Variants in MAGI2 observed in about 807,000 individuals in gnomAD.
MAGI2 encodes the protein membrane associated guanylate kinase, WW and PDZ domain containing 2, also known as membrane-associated guanylate kinase, WW and PDZ domain-containing protein 2.
A neutral mutation model predicts 133.3 loss-of-function variants in MAGI2; 35 were observed. The observed-to-expected ratio is 0.26, with a 90% CI of 0.20 to 0.35. The LOEUF (loss-of-function observed/expected upper bound fraction) is 0.35, where lower values mean the gene tolerates loss of function less well. Among genes scored for constraint, MAGI2 ranks in the 10% least tolerant of loss-of-function variants. MAGI2 has a pLI of 1.00. For synonymous variants in MAGI2, 729 were observed against 710.6 expected (o/e 1.03, Z -0.41); for missense variants, 1,636 against 1,863.4 (o/e 0.88, Z 2.25).
At chr7:78,758,330 C>T (rs1226840479) in intron 2 of MAGI2, among the ~76,000 whole-genome samples, 1 of 152,042 alleles carries the variant, frequency 6.6e-6, no homozygotes, top group East Asian at 1.9e-4. Context: ...AGCAGGCATT[C>T]AATACGTACT....
Position 78,783,448 on chromosome 7 carries a change from G to A in MAGI2, c.419-156209C>T, listed in dbSNP as rs961842009. 2.0e-5 allele frequency among the ~76,000 whole-genome samples: 3 copies of A among 152,252 alleles called. No homozygotes were observed. The South Asian group carries it at 6.2e-4, about 32-fold the overall frequency. On this transcript the variant is annotated intron_variant, in intron 2 of 21. Coordinates refer to ENST00000354212, the MANE Select transcript of MAGI2 (RefSeq NM_012301.4). Reference sequence around the variant, plus strand: ...AATGTGTCAGTCTGAAGGTGTATGTGTGTTCGTATGATGAGAAAAAAGAAA... The same window carrying A: ...AATGTGTCAGTCTGAAGGTGTATGTATGTTCGTATGATGAGAAAAAAGAAA...
chr7:78,939,768 G>T (rs1368181030), intron 2 of MAGI2: 1 of 152,074 alleles, frequency 6.6e-6, no homozygotes, highest in Non-Finnish European at 1.5e-5. Context: ...CATGTTTCTT[G>T]CATCTAACAT....
At chr7:78,814,168 G>A (rs911283085) in intron 2 of MAGI2, among the ~76,000 whole-genome samples, 1 of 152,132 alleles carries the variant, frequency 6.6e-6, no homozygotes, top group African/African-American at 2.4e-5. Flanking sequence ...AGGATACGAG[G>A]CTGTGGTGGA....
chr7:78,231,877 G>T (rs143405774), intron 10 of MAGI2, among the ~76,000 whole-genome samples: 4 of 152,174 alleles, frequency 2.6e-5, no homozygotes, highest in Admixed American at 1.3e-4. Flanking sequence ...TAAGCCTGCA[G>T]TGTAGTTCTT....
At chr7:78,672,267 TC>T (rs1814479741) in intron 2 of MAGI2, among the ~76,000 whole-genome samples, 1 of 151,878 alleles carries the variant, frequency 6.6e-6, no homozygotes, top group Non-Finnish European at 1.5e-5. Context: ...GGCTGGGACC[TC>T]CCCCCTCTCT....
intron 1 of MAGI2, among the ~76,000 whole-genome samples, chr7:79,420,032 T>C (rs1482995212): frequency 6.6e-6 from 1 of 152,032 alleles, no homozygotes; most frequent in Non-Finnish European, 1.5e-5. Flanking sequence ...GATGTCTCAC[T>C]AGAACTAAAT....
intron 1 of MAGI2, among the ~76,000 whole-genome samples, chr7:79,268,976 G>T (rs1834677016): frequency 6.6e-6 from 1 of 152,116 alleles, no homozygotes. Flanking sequence ...GTTTCACATT[G>T]TTTTCAAAAT....
intron 6 of MAGI2, among the ~76,000 whole-genome samples, chr7:78,397,506 A>G (rs1454139924): frequency 1.3e-5 from 2 of 152,034 alleles, no homozygotes; most frequent in African/African-American, 2.4e-5. Flanking sequence ...GTTGAGTTGC[A>G]TATCTGGGTT....
At chr7:78,919,969 G>T (rs1799102591) in intron 2 of MAGI2, among the ~76,000 whole-genome samples, 1 of 152,026 alleles carries the variant, frequency 6.6e-6, no homozygotes, top group African/African-American at 2.4e-5. Context: ...ACTTAAGAGG[G>T]ATCATATTTA....
intron 1 of MAGI2, among the ~76,000 whole-genome samples, chr7:79,107,108 C>A (rs1340941677): frequency 1.3e-5 from 2 of 152,076 alleles, no homozygotes; most frequent in African/African-American, 4.8e-5. Flanking sequence ...TTACAGATCC[C>A]AAAATAAAGA....
chr7:79,261,085 G>T (rs1834054588), intron 1 of MAGI2, among the ~76,000 whole-genome samples: 1 of 152,204 alleles, frequency 6.6e-6, no homozygotes, highest in South Asian at 2.1e-4. Flanking sequence ...GCATTCAAGA[G>T]TGTTTACATG....
At chr7:79,211,085 T>C (rs111442524) in intron 1 of MAGI2, among the ~76,000 whole-genome samples, 3,949 of 152,206 alleles carry the variant, frequency 0.026, 86 homozygotes, top group East Asian at 0.04. Flanking sequence ...AGAATATTCA[T>C]TGGCTTATTC....
chr7:78,950,078 C>T (rs1431666016), intron 2 of MAGI2, among the ~76,000 whole-genome samples: 1 of 152,100 alleles, frequency 6.6e-6, no homozygotes, highest in African/African-American at 2.4e-5. Context: ...TGCATCTCCT[C>T]CCCTGCCTCC....
intron 4 of MAGI2, among the ~76,000 whole-genome samples, chr7:78,514,462 G>C (rs1418352570): frequency 6.6e-6 from 1 of 152,092 alleles, no homozygotes; most frequent in Non-Finnish European, 1.5e-5. Context: ...TCTAATTTTA[G>C]AAGGCTAATT....
At chr7:78,342,501 C>T (rs1790493382) in intron 9 of MAGI2, among the ~76,000 whole-genome samples, 13 of 152,158 alleles carry the variant, frequency 8.5e-5, no homozygotes, top group Admixed American at 8.5e-4. Flanking sequence ...TATAAAGACA[C>T]ATGCACACGT....
At chr7:78,833,418 AC>A (rs1410584192) in intron 2 of MAGI2, among the ~76,000 whole-genome samples, 1 of 151,126 alleles carries the variant, frequency 6.6e-6, no homozygotes, top group Non-Finnish European at 1.5e-5. Context: ...GAAGGCAGTG[AC>A]CCCCCTGGAC....
chr7:78,231,977 T>C (rs946314852), intron 10 of MAGI2, among the ~76,000 whole-genome samples: 1 of 151,946 alleles, frequency 6.6e-6, no homozygotes, highest in Non-Finnish European at 1.5e-5. Flanking sequence ...CCTGGGTAGT[T>C]ACAAACCCAC....
At chr7:78,155,475 A>G (rs1463581817) in intron 16 of MAGI2, among the ~76,000 whole-genome samples, 2 of 152,104 alleles carry the variant, frequency 1.3e-5, no homozygotes, top group East Asian at 1.9e-4. Flanking sequence ...TTAGCTGGAC[A>G]TGGTGGTGCA....
At chr7:78,211,997 C>T (rs1387377457) in intron 10 of MAGI2, among the ~76,000 whole-genome samples, 1 of 152,192 alleles carries the variant, frequency 6.6e-6, no homozygotes, top group Non-Finnish European at 1.5e-5. Context: ...ACTGTGCCTC[C>T]AGCTTCAATG....
Sources: allele counts gnomAD v4.1 joint callset (sites outside exome capture counted in the v4.1 genomes callset), GRCh38; gene constraint gnomAD v4.1.1; transcripts MANE v1.5; gene names NCBI Gene and HGNC (gene_info 2026-07-23, HGNC 2026-07-21).